Variants in PRKDC observed in about 807,000 individuals in gnomAD.
PRKDC encodes DNA-dependent protein kinase catalytic subunit.
PRKDC carries 82 observed loss-of-function variants against 486.9 expected under a neutral mutation model. The ratio of observed to expected loss-of-function variants is 0.17; its 90% CI spans 0.14 to 0.20. PRKDC has a LOEUF of 0.20. Among genes scored for constraint, PRKDC ranks in the 10% least tolerant of loss-of-function variants. The pLI is 1.00. For synonymous variants in PRKDC, 1,895 were observed against 1,837.0 expected, an observed-to-expected ratio of 1.03 and a Z score of -0.81; for missense variants, 4,504 against 5,038.2, an observed-to-expected ratio of 0.89 and a Z score of 3.21.
intron 62 of PRKDC, 85 bp from the exon 63 acceptor site, chr8:47,826,946 T>C: frequency 7.6e-7 from 1 of 1,322,372 alleles, no homozygotes; most frequent in Non-Finnish European, 1.0e-6. Context: ...TTACTAAACA[T>C]AAAAGGTACC....
intron 74 of PRKDC, among the ~76,000 whole-genome samples, chr8:47,789,573 G>A (rs553665773): frequency 6.6e-6 from 1 of 152,066 alleles, no homozygotes; most frequent in Non-Finnish European, 1.5e-5. Context: ...GTATTATCCT[G>A]ATACCAAAAC....
chr8:47,826,164 T>C (rs1351561479), intron 63 of PRKDC, among the ~76,000 whole-genome samples: 1 of 152,028 alleles, frequency 6.6e-6, no homozygotes, highest in Non-Finnish European at 1.5e-5. Flanking sequence ...TTTCATATGA[T>C]GAGATCACAG....
At chr8:47,955,041 C>A (rs1344570648) in intron 4 of PRKDC, among the ~76,000 whole-genome samples, 1 of 152,116 alleles carries the variant, frequency 6.6e-6, no homozygotes, top group African/African-American at 2.4e-5. Flanking sequence ...GTAATCCCAG[C>A]TACTCAGGAG....
intron 73 of PRKDC, among the ~76,000 whole-genome samples, chr8:47,795,964 G>C (rs950458768): frequency 6.6e-6 from 1 of 150,596 alleles, no homozygotes; most frequent in East Asian, 2.0e-4. Context: ...GCGCCATCTC[G>C]GCTCACTGCA....
At chr8:47,927,665 T>G in intron 20 of PRKDC, 106 bp downstream of exon 20, 93 of 1,345,896 alleles carry the variant, frequency 6.9e-5, no homozygotes, top group Non-Finnish European at 7.9e-5. Context: ...GGCACGCCTG[T>G]GAGGAAACGC....
At chr8:47,790,482 C>T (rs1429750601) in intron 74 of PRKDC, among the ~76,000 whole-genome samples, 2 of 152,152 alleles carry the variant, frequency 1.3e-5, no homozygotes, top group South Asian at 2.1e-4. Context: ...GTCCACACTA[C>T]CCAAAGCAAT....
chr8:47,861,653 C>T (rs917271659), intron 44 of PRKDC, among the ~76,000 whole-genome samples: 41 of 152,372 alleles, frequency 2.7e-4, no homozygotes, highest in Non-Finnish European at 4.4e-4. Flanking sequence ...TCAATCTGAG[C>T]TTGGCTAAAA....
chr8:47,807,157 T>C lies in PRKDC; in HGVS notation c.9727A>G (p.Ile3243Val). The C allele has an allele frequency of 1.9e-6, 3 of 1,613,872 alleles. No individual in the cohort carries two copies. Among genetic ancestry groups the C allele is most frequent in the Non-Finnish European group, 2.5e-6 (3 of 1,179,824 alleles). ...SCKFSMKMKM[I>V]DSARKQNNFS... The stretch of plus-strand genomic sequence containing the variant: ...CCCACCTGCTTCCGGGCACTGTCTA[T>C]CATCTTCATTTTCATGGAAAACTTG... The change falls in exon 69 of 86, where the codon ATA becomes GTA. Residue 3243 changes from isoleucine to valine, a missense_variant. Ile to Val is a conservative substitution (Grantham distance 29, BLOSUM62 3). Transcript: ENST00000314191.
At chr8:47,947,299 C>T (rs1463836322) in intron 7 of PRKDC, among the ~76,000 whole-genome samples, 1 of 152,192 alleles carries the variant, frequency 6.6e-6, no homozygotes, top group African/African-American at 2.4e-5. Flanking sequence ...CTCCACCTCT[C>T]CAAATTCTGG....
Position 47,803,349 on chromosome 8 carries a change from G to A in PRKDC, c.9879C>T (p.Cys3293=), listed in dbSNP as rs1306449692. 2 of 1,614,012 alleles carry A rather than the reference G, an allele frequency of 1.2e-6. No individual in the cohort carries two copies. The highest frequency in any genetic ancestry group is 1.3e-5 in the African/African-American group (1 of 75,058). Residue 3293 remains cysteine, a synonymous_variant, in exon 70 of 86, where the codon TGC becomes TGT. Transcript: ENST00000314191. ...TCAGCACAGTGAGCACCTGCTCAGA[G>A]CAGCCCTGGGACCGGCTCCGGCAGT... ...LSHCRSRSQG[C]SEQVLTVLKT...
intron 55 of PRKDC, among the ~76,000 whole-genome samples, 194 bp from the exon 56 acceptor site, chr8:47,839,440 G>A (rs1015856301): frequency 6.6e-6 from 1 of 152,184 alleles, no homozygotes; most frequent in East Asian, 1.9e-4. Context: ...CTCCCAGCAG[G>A]AGCTGAGTGG....
At position 47,820,821 on chromosome 8, in the gene PRKDC, T is replaced by C. The variant is rs2087575565; in HGVS notation, c.9234A>G (p.Leu3078=). ...AMHGELQKAI[L]ELHYSQELSL... The stretch of plus-strand genomic sequence containing the variant: ...TCAGCTCTTGACTGTAATGAAGCTC[T>C]AGAATCGCCTTCTGGAGCTCCCCGT... The change falls in exon 66 of 86, where the codon CTA becomes CTG. Residue 3078 remains leucine, a synonymous_variant. Coordinates refer to ENST00000314191, the MANE Select transcript of PRKDC (RefSeq NM_006904.7). The C allele has an allele frequency of 1.2e-6, 2 of 1,613,240 alleles. No homozygotes were observed. Among genetic ancestry groups the C allele is most frequent in the Non-Finnish European group, 1.7e-6 (2 of 1,179,356 alleles).
Position 47,864,833 on chromosome 8 carries a change from T to C in PRKDC, c.5364-70A>G, listed in dbSNP as rs908166913. The C allele has an allele frequency of 4.6e-5, 60 of 1,311,450 alleles. No individual in the cohort carries two copies. In the Admixed American group the frequency reaches 1.7e-3, roughly 37 times the overall value. The allele number at this position is 1,311,450 out of a possible 1,614,324, so 81.2% of individuals were successfully genotyped here. A position where few individuals can be genotyped will look rare whatever the true frequency, so the allele number is the denominator to read the frequency against. On this transcript the variant is annotated intron_variant, in intron 40 of 85. Coordinates refer to ENST00000314191, the MANE Select transcript of PRKDC (RefSeq NM_006904.7). ...AGGAACTTTATGAGTGCCTACTACATAACAGGCAAAGTAAACACCAGTGAT... is the reference window on the plus strand; with the variant it reads ...AGGAACTTTATGAGTGCCTACTACACAACAGGCAAAGTAAACACCAGTGAT...
intron 7 of PRKDC, among the ~76,000 whole-genome samples, chr8:47,947,370 C>G (rs1308903101): frequency 6.6e-6 from 1 of 152,228 alleles, no homozygotes; most frequent in Non-Finnish European, 1.5e-5. Flanking sequence ...AGCAGAGCTG[C>G]TTTATTTGTT....
chr8:47,910,304 T>C (rs1035784363), intron 25 of PRKDC, among the ~76,000 whole-genome samples: 3 of 152,228 alleles, frequency 2.0e-5, no homozygotes, highest in Admixed American at 6.5e-5. Flanking sequence ...TCTACAGCAG[T>C]GTAAAGGCCC....
chr8:47,783,359 GTGGA>G (rs1386739189), intron 78 of PRKDC, among the ~76,000 whole-genome samples: 1 of 151,792 alleles, frequency 6.6e-6, no homozygotes, highest in Non-Finnish European at 1.5e-5. Context: ...GGAGGCGGAG[GTGGA>G]TGGATCATGA....
In PRKDC at chr8:47,782,724, A is replaced by G. The variant is rs1234796234; in HGVS notation, c.11176-126T>C. On this transcript the variant is annotated intron_variant, in intron 78 of 85. Coordinates refer to ENST00000314191, the MANE Select transcript of PRKDC (RefSeq NM_006904.7). The surrounding 1 kb of genome is among the most constrained non-coding windows in gnomAD (Gnocchi z 4.9). ...CTCTGAAGACAGTGCCAAAGAGCAGAGCGCCCAGGCCAGCAACGAATTTCT... is the reference window on the plus strand; with the variant it reads ...CTCTGAAGACAGTGCCAAAGAGCAGGGCGCCCAGGCCAGCAACGAATTTCT... 5.6e-6 allele frequency: 6 copies of G among 1,066,082 alleles called. 1 individual carries two copies. The highest frequency in any genetic ancestry group is 8.0e-6 in the Non-Finnish European group (6 of 747,714). 66.0% of individuals were successfully genotyped at this position (1,066,082 alleles called of 1,614,324 possible). A position where few individuals can be genotyped will look rare whatever the true frequency, so the allele number is the denominator to read the frequency against.
At chr8:47,822,518 C>T (rs751550914) in intron 64 of PRKDC, among the ~76,000 whole-genome samples, 7 of 152,104 alleles carry the variant, frequency 4.6e-5, no homozygotes, top group Non-Finnish European at 7.4e-5. Context: ...CGGCTGGGAG[C>T]GGTGGCTCAA....
intron 31 of PRKDC, among the ~76,000 whole-genome samples, chr8:47,892,856 GTTTT>G (rs936175029): frequency 6.6e-6 from 1 of 151,836 alleles, no homozygotes; most frequent in South Asian, 2.1e-4. Flanking sequence ...CATGGAATAC[GTTTT>G]TTTTAAGTAA....
Sources: gnomAD v4.1 joint callset for allele counts (sites outside exome capture counted in the v4.1 genomes callset) on GRCh38, gnomAD v4.1.1 for gene constraint, Gnocchi (gnomAD v3.1) non-coding constraint, MANE v1.5 for transcripts, NCBI Gene and HGNC (gene_info 2026-07-23, HGNC 2026-07-21) for gene names.